Variants in CTBP2 observed in about 807,000 individuals in gnomAD.
CTBP2 encodes the protein C-terminal-binding protein 2.
In CTBP2, 30 loss-of-function variants were observed where a neutral mutation model predicts 80.3. That is an observed-to-expected ratio of 0.37 (90% CI 0.28 to 0.51). The LOEUF (loss-of-function observed/expected upper bound fraction) is 0.51, where lower values mean the gene tolerates loss of function less well. Among genes scored for constraint, CTBP2 ranks in the 20% least tolerant of loss-of-function variants. The pLI is 0.93. For missense variants in CTBP2, 1,212 were observed against 1,375.3 expected (o/e 0.88, Z 1.88); for synonymous variants, 594 against 587.4 (o/e 1.01, Z -0.16).
intron 1 of CTBP2, among the ~76,000 whole-genome samples, chr10:125,014,647 G>A (rs532211743): frequency 1.6e-4 from 25 of 152,338 alleles, no homozygotes; most frequent in South Asian, 6.2e-4. Flanking sequence ...TGAGCCCGTA[G>A]GCCTCTGGCC....
intron 2 of CTBP2, among the ~76,000 whole-genome samples, chr10:125,046,714 C>G (rs749740238): frequency 2.0e-5 from 3 of 152,068 alleles, no homozygotes; most frequent in Non-Finnish European, 2.9e-5. Flanking sequence ...ATGTACACAG[C>G]AAGTCTCTGA....
rs1053856758 is a variant in CTBP2, at chr10:125,094,886, A to G, written c.-102+16104T>C. Among the ~76,000 whole-genome samples the G allele has an allele frequency of 4.0e-5, 6 of 151,000 alleles. No homozygotes were observed. The East Asian group carries it at 7.8e-4, about 20-fold the overall frequency. Reference sequence around the variant, plus strand: ...AATTTTTTTTTTTTTTTTAACCAACATAGGACATAAGCAATACGCTGAAAG... The same window carrying G: ...AATTTTTTTTTTTTTTTTAACCAACGTAGGACATAAGCAATACGCTGAAAG... On this transcript the variant is annotated intron_variant, in intron 2 of 10. Transcript: ENST00000337195.
intron 1 of CTBP2, among the ~76,000 whole-genome samples, chr10:125,127,775 C>A (rs549046421): frequency 1.8e-4 from 28 of 152,312 alleles, no homozygotes; most frequent in African/African-American, 6.5e-4. Flanking sequence ...GAAGGACACA[C>A]GTCATCCCTC....
chr10:124,984,821 C>T lies in CTBP2; in HGVS notation c.*4697G>A, dbSNP rs766792261. On this transcript the variant is annotated 3_prime_UTR_variant, in exon 9 of 9. Transcript: ENST00000309035. ...AAAAACTGCTCAGGGAGTGGCTGGA[C>T]TGCTGTGTGACGGAGGGGGGAGTTC... 1.2e-6 allele frequency: 2 copies of T among 1,613,892 alleles called. No individual in the cohort carries two copies. The highest frequency in any genetic ancestry group is 2.7e-5 in the African/African-American group (2 of 74,916).
chr10:125,130,177 A>G (rs571649186), intron 1 of CTBP2, among the ~76,000 whole-genome samples: 41 of 151,986 alleles, frequency 2.7e-4, no homozygotes, highest in African/African-American at 8.2e-4. Context: ...TCTCCCAAGT[A>G]GGTGGGATTA....
chr10:124,985,390 G>A lies in CTBP2; in HGVS notation c.*4128C>T, dbSNP rs1952010251. The stretch of plus-strand genomic sequence containing the variant: ...AAAAGCACATGGCAAATGGCTCTTT[G>A]TTCCTTTCAGATATTATTTCAGTAG... On this transcript the variant is annotated 3_prime_UTR_variant, in exon 9 of 9. Transcript: ENST00000309035. 1 of 160,276 alleles carries A rather than the reference G, an allele frequency of 6.2e-6. No homozygotes were observed. Among genetic ancestry groups the A allele is most frequent in the Non-Finnish European group, 1.4e-5 (1 of 73,284 alleles). The allele number at this position is 160,276 out of a possible 1,614,324, so 9.9% of individuals were successfully genotyped here.
chr10:125,000,556 C>G (rs1469531624), intron 3 of CTBP2: 1 of 152,266 alleles, frequency 6.6e-6, no homozygotes, highest in Non-Finnish European at 1.5e-5. Flanking sequence ...GTAGGGCCCT[C>G]TCGAGGTCTT....
Position 125,026,934 on chromosome 10 carries a change from C to CA in CTBP2, c.825dup (p.Asp276Ter). 6.2e-7 allele frequency: 1 copy of CA among 1,614,076 alleles called. No homozygotes were observed. Among genetic ancestry groups the CA allele is most frequent in the Non-Finnish European group, 8.5e-7 (1 of 1,180,020 alleles). ...CCAGGACCCTGGAAGGTGGACAGGT[C>CA]AGCTTCGTAAGTCTCGTAAGCCATC... On this transcript the variant is annotated frameshift_variant, in exon 1 of 9. Coordinates refer to ENST00000309035, the MANE Select transcript of CTBP2 (RefSeq NM_022802.3). LOFTEE classifies it high-confidence loss of function.
chr10:125,119,126 A>G (rs1853875538), intron 1 of CTBP2, among the ~76,000 whole-genome samples: 2 of 152,198 alleles, frequency 1.3e-5, no homozygotes, highest in South Asian at 4.1e-4. Context: ...CAAGGGCCAG[A>G]CTATATATTT....
At chr10:125,034,983 T>C (rs570744619) in intron 3 of CTBP2, among the ~76,000 whole-genome samples, 1 of 152,282 alleles carries the variant, frequency 6.6e-6, no homozygotes, top group Non-Finnish European at 1.5e-5. Flanking sequence ...CCTGTCTTTG[T>C]TCCTTATACG....
At chr10:125,150,876 T>G (rs1859714919) in intron 1 of CTBP2, among the ~76,000 whole-genome samples, 2 of 149,300 alleles carry the variant, frequency 1.3e-5, no homozygotes, top group South Asian at 4.3e-4. Flanking sequence ...CAGGCCCCGT[T>G]GAATACGTGG....
At chr10:125,159,103 C>T (rs1333684826) in intron 1 of CTBP2, among the ~76,000 whole-genome samples, 5 of 150,198 alleles carry the variant, frequency 3.3e-5, no homozygotes. Flanking sequence ...CTGGGGGCAG[C>T]GCGAGGGAGA....
chr10:125,000,958 C>T (rs369960163), intron 3 of CTBP2: 1 of 152,254 alleles, frequency 6.6e-6, no homozygotes, highest in Non-Finnish European at 1.5e-5. Flanking sequence ...TTCCAAGCGC[C>T]CTTATCAGAT....
At chr10:125,051,664 A>ACC (rs1223968691) in intron 2 of CTBP2, among the ~76,000 whole-genome samples, 258 of 152,140 alleles carry the variant, frequency 1.7e-3, no homozygotes, top group Non-Finnish European at 2.8e-3. Flanking sequence ...CCAACCAAAA[A>ACC]AAAAAAAAAG....
At chr10:125,016,067 C>T (rs377686072) in intron 1 of CTBP2, among the ~76,000 whole-genome samples, 84 of 152,342 alleles carry the variant, frequency 5.5e-4, no homozygotes, top group African/African-American at 1.9e-3. Flanking sequence ...TGGCACCACC[C>T]GGGGTGACGG....
intron 2 of CTBP2, among the ~76,000 whole-genome samples, chr10:125,058,276 G>A (rs1329630421): frequency 6.6e-6 from 1 of 152,042 alleles, no homozygotes; most frequent in East Asian, 1.9e-4. Context: ...GAAAACTCCA[G>A]AAAGATGTTA....
chr10:124,990,583 C>G (rs1420314225), intron 8 of CTBP2, among the ~76,000 whole-genome samples: 1 of 152,182 alleles, frequency 6.6e-6, no homozygotes, highest in Non-Finnish European at 1.5e-5. Context: ...CCCAACTGTT[C>G]ACCAGTTACT....
intron 2 of CTBP2, among the ~76,000 whole-genome samples, chr10:125,104,323 T>C (rs922800664): frequency 2.6e-5 from 4 of 152,226 alleles, no homozygotes; most frequent in African/African-American, 7.2e-5. Flanking sequence ...TCCACGGCTG[T>C]GTTTTTTCAT....
At chr10:125,138,249 G>C (rs755153872) in intron 1 of CTBP2, 1 of 151,804 alleles carries the variant, frequency 6.6e-6, no homozygotes, top group Non-Finnish European at 1.5e-5. Flanking sequence ...GGAGCTTCTG[G>C]TCAAGTGCAC....
Sources: allele counts gnomAD v4.1 joint callset (sites outside exome capture counted in the v4.1 genomes callset), GRCh38; gene constraint gnomAD v4.1.1; transcripts MANE v1.5; gene names NCBI Gene and HGNC (gene_info 2026-07-23, HGNC 2026-07-21).